Variants in SCCPDH observed in about 807,000 individuals in gnomAD.
SCCPDH encodes saccharopine dehydrogenase-like oxidoreductase.
SCCPDH carries 34 observed loss-of-function variants against 51.5 expected under a neutral mutation model. The observed-to-expected ratio is 0.66, with a 90% confidence interval of 0.50 to 0.88. The LOEUF (loss-of-function observed/expected upper bound fraction) is 0.88, where lower values mean the gene tolerates loss of function less well. SCCPDH is among the 40% of genes least tolerant of loss of function. SCCPDH has a pLI of 0.00. For synonymous variants in SCCPDH, 187 were observed against 191.3 expected, an observed-to-expected ratio of 0.98 and a Z score of 0.19; for missense variants, 464 against 527.1, an observed-to-expected ratio of 0.88 and a Z score of 1.17.
In SCCPDH at chr1:246,734,908, G is replaced by A. The variant is rs1668545327; in HGVS notation, c.304-1067G>A. On this transcript the variant is annotated intron_variant, in intron 2 of 11. Transcript: ENST00000366510. ...TTGAGTTTGAATAACAGATAATATG[G>A]GAAATCTAATATCATACAGGCTCAG... 2.0e-5 allele frequency among the ~76,000 whole-genome samples: 3 copies of A among 152,152 alleles called. No individual in the cohort carries two copies. The South Asian group carries it at 6.2e-4, about 32-fold the overall frequency.
chr1:246,740,443 A>C, intron 4 of SCCPDH, 142 bp downstream of exon 4: 1 of 595,588 alleles, frequency 1.7e-6, no homozygotes, highest in Non-Finnish European at 2.8e-6. Flanking sequence ...TTTTGTTTTT[A>C]ATATAGCTGC....
At chr1:246,742,059 C>T (rs550064967) in intron 4 of SCCPDH, among the ~76,000 whole-genome samples, 2 of 152,092 alleles carry the variant, frequency 1.3e-5, no homozygotes, top group East Asian at 1.9e-4. Flanking sequence ...ATGGAGACTC[C>T]GTCTCAAATG....
intron 5 of SCCPDH, among the ~76,000 whole-genome samples, chr1:246,751,106 G>A (rs6664091): frequency 0.47 from 70,806 of 151,978 alleles, 16,659 homozygotes; most frequent in Admixed American, 0.5. Flanking sequence ...TTTAGCAACT[G>A]TTTTTATTAA....
chr1:246,758,208 C>A lies in SCCPDH; in HGVS notation c.565-18C>A. ...ACTACCCTTTCATGTTTCTTTAACT[C>A]TTGAAATATTTTATTAGGGGTTGAG... On this transcript the variant is annotated intron_variant, in intron 5 of 11. Coordinates refer to ENST00000366510, the MANE Select transcript of SCCPDH (RefSeq NM_016002.3). The A allele has an allele frequency of 6.5e-7, 1 of 1,547,394 alleles. No homozygotes were observed. Among genetic ancestry groups the A allele is most frequent in the Non-Finnish European group, 8.7e-7 (1 of 1,149,604 alleles).
chr1:246,760,004 T>C lies in SCCPDH; in HGVS notation c.861T>C (p.Ile287=). Residue 287 remains isoleucine (I), a synonymous_variant, in exon 8 of 12, where the codon ATT becomes ATC. Transcript: ENST00000366510. ...CTGTGGGAGGCATCACCTCTGTTAT[T>C]AAGCTGATGTTTGCAGGACTTTTCT... ...YVTVGGITSV[I]KLMFAGLFFL... is the part of the protein sequence containing the mutation. 6.2e-6 allele frequency: 10 copies of C among 1,613,698 alleles called. No individual in the cohort carries two copies. Among genetic ancestry groups the C allele is most frequent in the Non-Finnish European group, 8.5e-6 (10 of 1,179,670 alleles).
At chr1:246,729,404 A>G (rs903749344) in intron 2 of SCCPDH, among the ~76,000 whole-genome samples, 8 of 135,388 alleles carry the variant, frequency 5.9e-5, no homozygotes, top group African/African-American at 2.0e-4. Context: ...GCCATTTTAG[A>G]GACCTCCCCC....
chr1:246,766,602 C>T (rs1304342095), intron 11 of SCCPDH, among the ~76,000 whole-genome samples: 2 of 152,216 alleles, frequency 1.3e-5, no homozygotes, highest in Non-Finnish European at 2.9e-5. Context: ...CCCCCTAAAA[C>T]TAGGCCAGCT....
intron 4 of SCCPDH, among the ~76,000 whole-genome samples, chr1:246,742,107 A>G (rs761452177): frequency 6.6e-6 from 1 of 152,244 alleles, no homozygotes; most frequent in Non-Finnish European, 1.5e-5. Context: ...GAATGTCAGA[A>G]GGCAGTAGCT....
At chr1:246,740,366 A>T in intron 4 of SCCPDH, 65 bp downstream of exon 4, 2 of 1,334,528 alleles carry the variant, frequency 1.5e-6, no homozygotes, top group East Asian at 2.4e-5. Flanking sequence ...CATGTTTCTA[A>T]CTGTGGTGAA....
intron 9 of SCCPDH, among the ~76,000 whole-genome samples, chr1:246,762,137 T>G (rs186557368): frequency 6.6e-6 from 1 of 152,326 alleles, no homozygotes; most frequent in East Asian, 1.9e-4. Context: ...GTTGAACATC[T>G]TTTCATTTGC....
Position 246,761,726 on chromosome 1 carries a change from A to C in SCCPDH, c.990+1499A>C, listed in dbSNP as rs561747091. Reference sequence around the variant, plus strand: ...CATCCATATTGTAAGCATGTGTTCGAATTTCTTTAAGGGTGAATGATTGTC... The same window carrying C: ...CATCCATATTGTAAGCATGTGTTCGCATTTCTTTAAGGGTGAATGATTGTC... On this transcript the variant is annotated intron_variant, in intron 9 of 11. Coordinates refer to ENST00000366510, the MANE Select transcript of SCCPDH (RefSeq NM_016002.3). 2.6e-5 allele frequency among the ~76,000 whole-genome samples: 4 copies of C among 152,328 alleles called. No individual in the cohort carries two copies. The East Asian group carries it at 7.7e-4, about 29-fold the overall frequency.
At chr1:246,726,832 G>A (rs1347725502) in intron 1 of SCCPDH, 60 bp from the exon 2 acceptor site, 1 of 1,173,826 alleles carries the variant, frequency 8.5e-7, no homozygotes, top group African/African-American at 1.5e-5. Flanking sequence ...GTAAAAAGAA[G>A]ATAAGGAAGA....
intron 10 of SCCPDH, among the ~76,000 whole-genome samples, chr1:246,764,990 GAGAC>G (rs1466268868): frequency 6.9e-6 from 1 of 144,634 alleles, no homozygotes; most frequent in Admixed American, 6.9e-5. Context: ...ATTACTGTCA[GAGAC>G]AGACAGGTCC....
intron 4 of SCCPDH, 60 bp from the exon 5 acceptor site, chr1:246,744,016 T>TA: frequency 9.9e-7 from 1 of 1,008,648 alleles, no homozygotes. Flanking sequence ...TATTATTACT[T>TA]ACCCCAAATA....
chr1:246,764,307 C>A lies in SCCPDH; in HGVS notation c.1052C>A (p.Thr351Lys). Residue 351 changes from threonine (T) to lysine (K), a missense_variant, in exon 10 of 12, where the codon ACA (threonine) becomes AAA (lysine). Thr to Lys is a moderately conservative substitution (Grantham distance 78, BLOSUM62 -1). Coordinates refer to ENST00000366510, the MANE Select transcript of SCCPDH (RefSeq NM_016002.3). ...CAAGGATACAGCCAAGGCACTGGTA[C>A]AGATAAGAACAAACCAAATATCAAA... is the stretch of plus-strand genomic sequence containing the variant. ...FGQGYSQGTGTDKNKPNIKIC... is the reference protein window; with the variant it reads ...FGQGYSQGTGKDKNKPNIKIC... The A allele has an allele frequency of 6.2e-7, 1 of 1,613,706 alleles. No homozygotes were observed. Among genetic ancestry groups the A allele is most frequent in the South Asian group, 1.1e-5 (1 of 90,992 alleles).
At chr1:246,754,400 A>G (rs1422540319) in intron 5 of SCCPDH, among the ~76,000 whole-genome samples, 1 of 152,204 alleles carries the variant, frequency 6.6e-6, no homozygotes, top group Non-Finnish European at 1.5e-5. Flanking sequence ...CCTTCACCAA[A>G]GGAGAATGGG....
intron 5 of SCCPDH, among the ~76,000 whole-genome samples, chr1:246,756,508 A>G (rs968703024): frequency 2.0e-5 from 3 of 152,198 alleles, no homozygotes; most frequent in African/African-American, 7.2e-5. Flanking sequence ...AGTTTTTTAA[A>G]TTGAATGTAA....
At chr1:246,732,232 C>A (rs1446257881) in intron 2 of SCCPDH, among the ~76,000 whole-genome samples, 1 of 152,080 alleles carries the variant, frequency 6.6e-6, no homozygotes, top group South Asian at 2.1e-4. Flanking sequence ...GCAGTATAAC[C>A]AGTTAGGGCC....
intron 11 of SCCPDH, 103 bp downstream of exon 11, chr1:246,766,242 A>G: frequency 1.3e-6 from 1 of 786,708 alleles, no homozygotes; most frequent in Admixed American, 2.3e-5. Flanking sequence ...GTAAGCATTT[A>G]TAGTTCAGTT....
Sources: gnomAD v4.1 joint callset for allele counts (sites outside exome capture counted in the v4.1 genomes callset) on GRCh38, gnomAD v4.1.1 for gene constraint, MANE v1.5 for transcripts, NCBI Gene and HGNC (gene_info 2026-07-23, HGNC 2026-07-21) for gene names.